WDFY3: variants seen among roughly 807,000 people sequenced by gnomAD.
The protein encoded by WDFY3 is WD repeat and FYVE domain-containing protein 3.
Under a neutral mutation model 409.6 loss-of-function variants are expected in WDFY3, and 66 were observed. That is an observed-to-expected ratio of 0.16 (90% CI 0.13 to 0.20). The LOEUF (loss-of-function observed/expected upper bound fraction) is 0.20. WDFY3 is among the 10% of genes least tolerant of loss of function. WDFY3 has a pLI of 1.00. For missense variants in WDFY3, 3,031 were observed against 4,298.1 expected (o/e 0.71, Z 8.24); for synonymous variants, 1,521 against 1,537.1 (o/e 0.99, Z 0.25).
chr4:84,945,340 C>G (rs1772681220), intron 1 of WDFY3, among the ~76,000 whole-genome samples: 1 of 152,226 alleles, frequency 6.6e-6, no homozygotes, highest in Non-Finnish European at 1.5e-5. Context: ...TAAATTATAA[C>G]AAACCCTTTG....
chr4:84,817,026 G>GC (rs1753399192), intron 13 of WDFY3, among the ~76,000 whole-genome samples: 1 of 152,094 alleles, frequency 6.6e-6, no homozygotes, highest in African/African-American at 2.4e-5. Context: ...ATATATGCAT[G>GC]CATGTGTATA....
intron 9 of WDFY3, among the ~76,000 whole-genome samples, chr4:84,827,912 T>C (rs1327748964): frequency 6.6e-6 from 1 of 151,982 alleles, no homozygotes; most frequent in Non-Finnish European, 1.5e-5. Context: ...AGGCTAGAGT[T>C]TGGCACCAGC....
chr4:84,920,262 A>C (rs1289784263), intron 2 of WDFY3, among the ~76,000 whole-genome samples: 1 of 152,224 alleles, frequency 6.6e-6, no homozygotes, highest in Non-Finnish European at 1.5e-5. Context: ...GCACTTATTC[A>C]GATAACAAAA....
chr4:84,920,694 T>C (rs1769155138), intron 2 of WDFY3, among the ~76,000 whole-genome samples: 2 of 152,192 alleles, frequency 1.3e-5, no homozygotes, highest in Admixed American at 6.5e-5. Context: ...CCTACACAGC[T>C]GAACAGCACC....
chr4:84,718,514 G>A lies in WDFY3; in HGVS notation c.7662C>T (p.Leu2554=), dbSNP rs1322171918. 3.1e-6 allele frequency: 5 copies of A among 1,613,982 alleles called. No individual in the cohort carries two copies. In the South Asian group the frequency reaches 3.3e-5, roughly 11 times the overall value. The change falls in exon 48 of 68, where the codon CTC becomes CTT. Residue 2554 remains leucine (L), a synonymous_variant. Transcript: ENST00000295888. ...AAAAATGCTCTTTACCAAAAAGAAGGAGCCCCTCACTGGTATCTAGGCCCT... is the reference window on the plus strand; with the variant it reads ...AAAAATGCTCTTTACCAAAAAGAAGAAGCCCCTCACTGGTATCTAGGCCCT... ...RVQGLDTSEG[L]LLFGKEHFYV... is the part of the protein sequence containing the mutation.
intron 3 of WDFY3, among the ~76,000 whole-genome samples, chr4:84,889,024 T>TA (rs573089630): frequency 2.6e-5 from 4 of 152,200 alleles, no homozygotes; most frequent in Non-Finnish European, 5.9e-5. Context: ...TGAAAATACT[T>TA]AGACTACTTC....
intron 32 of WDFY3, among the ~76,000 whole-genome samples, chr4:84,762,962 T>A (rs80044492): frequency 0.038 from 5,820 of 151,886 alleles, 339 homozygotes; most frequent in African/African-American, 0.13. Flanking sequence ...ATAAAAAAAA[T>A]TTAAAAAGTG....
intron 46 of WDFY3, among the ~76,000 whole-genome samples, chr4:84,723,347 C>T (rs1390157593): frequency 3.3e-5 from 5 of 152,198 alleles, no homozygotes; most frequent in African/African-American, 4.8e-5. Flanking sequence ...TTTGTTGACA[C>T]AGTCATATAC....
chr4:84,888,709 T>A (rs114546005), intron 3 of WDFY3, among the ~76,000 whole-genome samples: 226 of 152,294 alleles, frequency 1.5e-3, no homozygotes, highest in African/African-American at 5.0e-3. Flanking sequence ...TACCAGCTTA[T>A]GAGAGCCGAT....
intron 58 of WDFY3, among the ~76,000 whole-genome samples, chr4:84,693,934 TTTCAATTATTGTAAATCTTTGAGACAGGC>T (rs1308994589): frequency 3.9e-5 from 6 of 152,124 alleles, no homozygotes; most frequent in Admixed American, 1.3e-4. Context: ...GATTACTATT[TTTCAATTATTGTAAATCTTTGAGACAGGC>T]ATAGAGTAGT....
intron 13 of WDFY3, among the ~76,000 whole-genome samples, chr4:84,813,907 G>C (rs544478785): frequency 6.6e-6 from 1 of 152,012 alleles, no homozygotes; most frequent in Non-Finnish European, 1.5e-5. Context: ...GATAAATTGC[G>C]GTGAGATTAA....
intron 2 of WDFY3, among the ~76,000 whole-genome samples, chr4:84,926,130 G>A (rs1451813001): frequency 4.2e-5 from 6 of 142,708 alleles, no homozygotes; most frequent in East Asian, 2.2e-4. Context: ...TCTTGAACCC[G>A]GGAGGCAGAG....
chr4:84,757,038 G>A lies in WDFY3; in HGVS notation c.5312C>T (p.Ala1771Val). The A allele has an allele frequency of 6.2e-7, 1 of 1,611,810 alleles. No homozygotes were observed. Residue 1771 changes from alanine to valine, a missense_variant, in exon 33 of 68, where the codon GCC (alanine) becomes GTC (valine). Physicochemically the swap from Ala to Val is moderately conservative, Grantham distance 64 (BLOSUM62 0). Coordinates refer to ENST00000295888, the MANE Select transcript of WDFY3 (RefSeq NM_014991.6). Reference protein sequence around the residue: ...SFLPKHTNVPALYFLLMALFL... With the variant: ...SFLPKHTNVPVLYFLLMALFL... ...CAAGGCCATGAGGAGAAAATAGAGGGCAGGGACATTAGTGTGTTTAGGAAG... is the reference window on the plus strand; with the variant it reads ...CAAGGCCATGAGGAGAAAATAGAGGACAGGGACATTAGTGTGTTTAGGAAG...
At chr4:84,751,209 T>C (rs1413087576) in intron 36 of WDFY3, 5 of 472,148 alleles carry the variant, frequency 1.1e-5, no homozygotes, top group Non-Finnish European at 1.9e-5. Flanking sequence ...GCTTAAAATA[T>C]TTACTATTTG....
At chr4:84,719,463 A>G (rs1004125379) in intron 47 of WDFY3, among the ~76,000 whole-genome samples, 1 of 152,218 alleles carries the variant, frequency 6.6e-6, no homozygotes, top group Non-Finnish European at 1.5e-5. Flanking sequence ...AACACATGTC[A>G]GTTTGAATAC....
intron 3 of WDFY3, among the ~76,000 whole-genome samples, chr4:84,890,811 A>G (rs968125308): frequency 1.3e-5 from 2 of 152,022 alleles, no homozygotes; most frequent in African/African-American, 4.8e-5. Context: ...TGAATTTCAC[A>G]TTTTTTTCAT....
At chr4:84,853,181 G>A (rs1304885891) in intron 4 of WDFY3, among the ~76,000 whole-genome samples, 2 of 152,032 alleles carry the variant, frequency 1.3e-5, no homozygotes, top group Non-Finnish European at 2.9e-5. Context: ...TGTTATTGCT[G>A]TTGAGACAGA....
chr4:84,771,269 C>T (rs978615239), intron 30 of WDFY3, among the ~76,000 whole-genome samples: 24 of 152,264 alleles, frequency 1.6e-4, no homozygotes, highest in Admixed American at 1.4e-3. Context: ...TTCTGAGTAG[C>T]TGGGTCTATA....
intron 67 of WDFY3, among the ~76,000 whole-genome samples, chr4:84,675,555 G>T (rs1289700598): frequency 1.3e-5 from 2 of 152,212 alleles, no homozygotes; most frequent in Non-Finnish European, 2.9e-5. Context: ...CCAAAGCTCA[G>T]AGAGGCTCGG....
Sources: allele counts gnomAD v4.1 joint callset (sites outside exome capture counted in the v4.1 genomes callset), GRCh38; gene constraint gnomAD v4.1.1; transcripts MANE v1.5; gene names NCBI Gene and HGNC (gene_info 2026-07-23, HGNC 2026-07-21).